Variants in BMPR1A observed in about 807,000 individuals in gnomAD.
BMPR1A encodes the protein bone morphogenetic protein receptor type-1A.
In BMPR1A, 7 loss-of-function variants were observed where a neutral mutation model predicts 66.0. The ratio of observed to expected loss-of-function variants is 0.11; its 90% CI spans 0.06 to 0.20. The LOEUF is 0.20. Among genes scored for constraint, BMPR1A ranks in the 10% least tolerant of loss-of-function variants. The probability of loss-of-function intolerance (pLI) is 1.00; values close to 1 mark genes in which losing one functional copy is unlikely to be tolerated. For synonymous variants in BMPR1A, 200 were observed against 229.7 expected (o/e 0.87, Z 1.17); for missense variants, 408 against 669.1 (o/e 0.61, Z 4.31).
chr10:86,868,807 T>C (rs1408349147), intron 2 of BMPR1A, among the ~76,000 whole-genome samples: 1 of 145,848 alleles, frequency 6.9e-6, no homozygotes, highest in African/African-American at 2.5e-5. Context: ...CCAATTGAAC[T>C]GTTGGTTCAG....
intron 1 of BMPR1A, among the ~76,000 whole-genome samples, chr10:86,797,182 A>C (rs939307415): frequency 3.4e-5 from 5 of 146,920 alleles, no homozygotes; most frequent in African/African-American, 1.3e-4. Context: ...CTCCTGCCTC[A>C]GCCTCCAGAG....
At chr10:86,877,679 A>G (rs1221211213) in intron 3 of BMPR1A, among the ~76,000 whole-genome samples, 2 of 152,248 alleles carry the variant, frequency 1.3e-5, no homozygotes, top group Non-Finnish European at 2.9e-5. Context: ...CAAATTATTT[A>G]GTACAATACC....
chr10:86,866,533 T>A (rs1271987939), intron 2 of BMPR1A, among the ~76,000 whole-genome samples: 1 of 150,358 alleles, frequency 6.7e-6, no homozygotes, highest in Non-Finnish European at 1.5e-5. Context: ...CTCAGCCTCC[T>A]GAGTAGCTGG....
At chr10:86,877,631 A>G (rs1842936747) in intron 3 of BMPR1A, among the ~76,000 whole-genome samples, 1 of 152,228 alleles carries the variant, frequency 6.6e-6, no homozygotes, top group African/African-American at 2.4e-5. Context: ...CTAAGAATAC[A>G]GAGCCTTCAG....
intron 9 of BMPR1A, 129 bp downstream of exon 9, chr10:86,917,455 A>T: frequency 2.7e-6 from 3 of 1,108,878 alleles, no homozygotes; most frequent in Non-Finnish European, 2.7e-6. Flanking sequence ...AACCTAGTAG[A>T]ATACACGGTT....
chr10:86,869,980 A>C (rs966966790), intron 2 of BMPR1A, among the ~76,000 whole-genome samples: 4 of 152,174 alleles, frequency 2.6e-5, no homozygotes, highest in African/African-American at 7.2e-5. Flanking sequence ...ATTCCCCAAA[A>C]TCACACAGCA....
chr10:86,923,243 GA>G, intron 11 of BMPR1A, 132 bp from the exon 12 acceptor site: 1 of 1,093,172 alleles, frequency 9.1e-7, no homozygotes, highest in East Asian at 3.9e-5. Context: ...TATTAAGAGT[GA>G]ATCATAGTGT....
At chr10:86,881,709 A>G (rs902101969) in intron 3 of BMPR1A, among the ~76,000 whole-genome samples, 12 of 152,238 alleles carry the variant, frequency 7.9e-5, no homozygotes, top group African/African-American at 2.7e-4. Context: ...GGTAAATACT[A>G]TACTAGTAAA....
intron 1 of BMPR1A, among the ~76,000 whole-genome samples, chr10:86,816,445 C>T (rs775495249): frequency 6.6e-6 from 1 of 152,138 alleles, no homozygotes; most frequent in East Asian, 1.9e-4. Flanking sequence ...ACCCCTCCCT[C>T]ATTTTGACAA....
chr10:86,859,749 G>A (rs937543106), intron 2 of BMPR1A, among the ~76,000 whole-genome samples: 2 of 152,248 alleles, frequency 1.3e-5, no homozygotes, highest in East Asian at 1.9e-4. Context: ...GGCGGAGGTT[G>A]CAGTGAGCCA....
At chr10:86,835,549 C>CCAAAAAAAA (rs1842332268) in intron 1 of BMPR1A, among the ~76,000 whole-genome samples, 1 of 44,326 alleles carries the variant, frequency 2.3e-5, no homozygotes, top group Non-Finnish European at 3.9e-5. Context: ...GACTCTGTAT[C>CCAAAAAAAA]AAAAAAAAAA....
chr10:86,833,178 A>T (rs1842296543), intron 1 of BMPR1A, among the ~76,000 whole-genome samples: 1 of 152,204 alleles, frequency 6.6e-6, no homozygotes, highest in Non-Finnish European at 1.5e-5. Context: ...CAGTCCTGTC[A>T]GCAATGTATG....
rs1179389638 is a variant in BMPR1A at position 86,906,491 on chromosome 10, G to A, written c.531-5749G>A. Among the ~76,000 whole-genome samples the A allele has an allele frequency of 7.4e-5, 3 of 40,320 alleles. 1 individual carries two copies. Among genetic ancestry groups the A allele is most frequent in the African/African-American group, 7.1e-4 (2 of 2,804 alleles). 26.5% of individuals were successfully genotyped at this position (40,320 alleles called of 152,430 possible). A position where few individuals can be genotyped will look rare whatever the true frequency, so the allele number is the denominator to read the frequency against. ...TCCCAGCACTTTGGGAGGCCGAGGCGGGCGGATCACGAGGCCAGGAGATCG... is the reference window on the plus strand; with the variant it reads ...TCCCAGCACTTTGGGAGGCCGAGGCAGGCGGATCACGAGGCCAGGAGATCG... On this transcript the variant is annotated intron_variant, in intron 7 of 12. Transcript: ENST00000372037.
intron 1 of BMPR1A, among the ~76,000 whole-genome samples, chr10:86,824,097 G>GTGTGTGTGTGTGTGTGTGTGTGTGTT (rs1842158989): frequency 6.6e-6 from 1 of 151,174 alleles, no homozygotes; most frequent in Admixed American, 6.6e-5. Flanking sequence ...GTGTGTGTGT[G>GTGTGTGTGTGTGTGTGTGTGTGTGTT]TGTGTGTGTG....
At chr10:86,882,566 G>C (rs1447046295) in intron 3 of BMPR1A, among the ~76,000 whole-genome samples, 1 of 151,822 alleles carries the variant, frequency 6.6e-6, no homozygotes, top group African/African-American at 2.4e-5. Flanking sequence ...TGGGCCCAAA[G>C]AGGACTTTTT....
chr10:86,907,791 A>C (rs1388535612), intron 7 of BMPR1A, among the ~76,000 whole-genome samples: 1 of 152,228 alleles, frequency 6.6e-6, no homozygotes, highest in Non-Finnish European at 1.5e-5. Context: ...TAAGTAGAAT[A>C]ACATACCAGA....
At chr10:86,846,924 G>A (rs1013142794) in intron 2 of BMPR1A, among the ~76,000 whole-genome samples, 4 of 152,080 alleles carry the variant, frequency 2.6e-5, no homozygotes, top group South Asian at 2.1e-4. Context: ...TTTAAGCTTA[G>A]CGGATTTACT....
At chr10:86,919,555 T>TA in intron 10 of BMPR1A, 86 bp downstream of exon 10, 1 of 1,543,354 alleles carries the variant, frequency 6.5e-7, no homozygotes, top group Non-Finnish European at 8.9e-7. Context: ...AATGGAATTC[T>TA]AAAAATGTGC....
chr10:86,851,418 AT>A (rs1842565211), intron 2 of BMPR1A, among the ~76,000 whole-genome samples: 1 of 152,254 alleles, frequency 6.6e-6, no homozygotes, highest in Non-Finnish European at 1.5e-5. Flanking sequence ...AAGTAAAAAA[AT>A]CAGCTGACTA....
Sources: gnomAD v4.1 joint callset for allele counts (sites outside exome capture counted in the v4.1 genomes callset) on GRCh38, gnomAD v4.1.1 for gene constraint, MANE v1.5 for transcripts, NCBI Gene and HGNC (gene_info 2026-07-23, HGNC 2026-07-21) for gene names.